Variants in INSL6 observed in about 807,000 individuals in gnomAD.
The protein encoded by INSL6 is insulin-like peptide INSL6.
INSL6 carries 16 observed loss-of-function variants against 9.4 expected under a neutral mutation model. The ratio of observed to expected loss-of-function variants is 1.70; its 90% CI spans 1.15 to 2.59. The LOEUF is 2.59. Ranked by LOEUF, INSL6 falls within the 30% of genes most tolerant of loss-of-function variation. The probability of loss-of-function intolerance (pLI) is 0.00; values close to 1 mark genes in which losing one functional copy is unlikely to be tolerated. For synonymous variants in INSL6, 154 were observed against 96.9 expected (o/e 1.59, Z -3.46); for missense variants, 391 against 257.3 (o/e 1.52, Z -3.56).
At chr9:5,093,694 T>C in the INSL6 span, among the ~76,000 whole-genome samples, 9 of 152,254 alleles carry the variant, frequency 5.9e-5, no homozygotes, top group Admixed American at 3.9e-4. Flanking sequence ...TTAATACACA[T>C]TGACCCAATA....
chr9:5,111,692 A>T, the INSL6 span: 2 of 429,852 alleles, frequency 4.7e-6, no homozygotes, highest in Admixed American at 2.5e-5. Flanking sequence ...TGGCGGAGGC[A>T]GCAGCACGTT....
chr9:5,106,075 A>T, the INSL6 span, among the ~76,000 whole-genome samples: 2 of 152,388 alleles, frequency 1.3e-5, no homozygotes, highest in East Asian at 3.9e-4. Flanking sequence ...GATCTAATTC[A>T]ACTAAACAGC....
chr9:5,036,277 A>G, the INSL6 span, among the ~76,000 whole-genome samples: 2 of 152,242 alleles, frequency 1.3e-5, no homozygotes, highest in Admixed American at 6.5e-5. Context: ...GGAAGAATCA[A>G]TATTGTGAAA....
chr9:5,066,747 T>G, the INSL6 span: 1 of 1,580,532 alleles, frequency 6.3e-7, no homozygotes, highest in Non-Finnish European at 8.6e-7. Flanking sequence ...TTCGATGCAG[T>G]CCTAAGGACT....
chr9:5,072,713 T>G, the INSL6 span: 1 of 1,021,092 alleles, frequency 9.8e-7, no homozygotes, highest in East Asian at 2.9e-5. Flanking sequence ...TGTGTGCAGC[T>G]TTTCAAAATT....
the INSL6 span, among the ~76,000 whole-genome samples, chr9:5,118,065 C>T: frequency 6.6e-6 from 1 of 152,094 alleles, no homozygotes; most frequent in African/African-American, 2.4e-5. Flanking sequence ...TATGTCAATC[C>T]TTTAAATGTG....
chr9:5,155,379 G>T lies in INSL6; in HGVS notation c.376+8800C>A, dbSNP rs1037135576. ...TTAGGAGATATACCTAATGTTAAATGATGAGTTAATGGGTGCAGCACACCA... is the reference window on the plus strand; with the variant it reads ...TTAGGAGATATACCTAATGTTAAATTATGAGTTAATGGGTGCAGCACACCA... On this transcript the variant is annotated intron_variant, in intron 2 of 3. Coordinates refer to the INSL6 transcript ENST00000649639. Among the ~76,000 whole-genome samples the T allele has an allele frequency of 2.0e-5, 3 of 150,406 alleles. No individual in the cohort carries two copies. The East Asian group carries it at 6.0e-4, about 30-fold the overall frequency.
Position 5,166,009 on chromosome 9 carries a change from G to A in INSL6, c.290-1744C>T, listed in dbSNP as rs112605701. ...TCTGTCACAATGGCTAGCAATCCACGTCATGTGAAAAACATGAATCGACCC... is the reference window on the plus strand; with the variant it reads ...TCTGTCACAATGGCTAGCAATCCACATCATGTGAAAAACATGAATCGACCC... On this transcript the variant is annotated intron_variant, in intron 1 of 1. Coordinates refer to ENST00000381641, the MANE Select transcript of INSL6 (RefSeq NM_007179.3). Among the ~76,000 whole-genome samples, 913 of 152,258 alleles carry A rather than the reference G, an allele frequency of 6.0e-3. 4 individuals carry two copies. The highest frequency in any genetic ancestry group is 8.4e-3 in the Non-Finnish European group (568 of 68,020).
the INSL6 span, among the ~76,000 whole-genome samples, chr9:5,059,068 A>C: frequency 1.3e-5 from 2 of 151,932 alleles, no homozygotes; most frequent in Non-Finnish European, 2.9e-5. Context: ...TTTTCTTTTT[A>C]CTTTGTTGAG....
the INSL6 span, among the ~76,000 whole-genome samples, chr9:5,034,098 C>A: frequency 6.6e-6 from 1 of 152,036 alleles, no homozygotes; most frequent in Non-Finnish European, 1.5e-5. Flanking sequence ...ATCCTAGTCT[C>A]GGATAAAACA....
the INSL6 span, among the ~76,000 whole-genome samples, chr9:5,008,981 G>C: frequency 6.6e-6 from 1 of 152,032 alleles, no homozygotes; most frequent in Non-Finnish European, 1.5e-5. Context: ...CAAATTATGA[G>C]TTTGATCCTT....
the INSL6 span, chr9:5,100,397 A>G: frequency 6.6e-6 from 1 of 152,254 alleles, no homozygotes; most frequent in African/African-American, 2.4e-5. Context: ...CACTAACTGT[A>G]TACCAATGAT....
rs572793407 is a variant in INSL6, at chr9:5,134,389, G to A, written c.377-797C>T. Among the ~76,000 whole-genome samples the A allele has an allele frequency of 2.3e-3, 349 of 152,256 alleles. 2 individuals carry two copies. The highest frequency in any genetic ancestry group is 4.0e-3 in the Non-Finnish European group (272 of 68,016). On this transcript the variant is annotated intron_variant, in intron 2 of 3. Coordinates refer to the INSL6 transcript ENST00000649639. ...AAGAGCAACCCCAAGACACATAATT[G>A]TCAGATTCACCAAGGTTGAAATGAA... is the stretch of plus-strand genomic sequence containing the variant.
chr9:5,081,111 G>A, the INSL6 span, among the ~76,000 whole-genome samples: 3 of 151,756 alleles, frequency 2.0e-5, no homozygotes, highest in African/African-American at 7.3e-5. Context: ...TAGCCAGGAT[G>A]GTCTCGATCT....
chr9:5,124,140 T>A (rs1019115049), exon 4 of INSL6, among the ~76,000 whole-genome samples: 7 of 151,888 alleles, frequency 4.6e-5, no homozygotes. Context: ...TTGCAAATAT[T>A]TTCTCCGATT....
the INSL6 span, chr9:5,111,497 G>A: frequency 2.7e-6 from 1 of 369,830 alleles, no homozygotes; most frequent in Non-Finnish European, 5.3e-6. Flanking sequence ...CGGTAGGGAT[G>A]CCGCCGCCTA....
chr9:5,029,206 G>A, the INSL6 span, among the ~76,000 whole-genome samples: 2 of 152,100 alleles, frequency 1.3e-5, no homozygotes, highest in African/African-American at 4.8e-5. Context: ...TTTCCATATT[G>A]TTGTGTCTCA....
At chr9:5,048,142 TTTTC>T in the INSL6 span, among the ~76,000 whole-genome samples, 6 of 152,028 alleles carry the variant, frequency 3.9e-5, no homozygotes, top group African/African-American at 1.2e-4. Flanking sequence ...AGTTCTTTTC[TTTTC>T]TTTCTTTTTT....
chr9:5,035,658 A>C, the INSL6 span, among the ~76,000 whole-genome samples: 2 of 152,242 alleles, frequency 1.3e-5, no homozygotes, highest in African/African-American at 2.4e-5. Flanking sequence ...GAGGCAGAAA[A>C]GGTCTTTGGC....
Sources: gnomAD v4.1 joint callset for allele counts (sites outside exome capture counted in the v4.1 genomes callset) on GRCh38, gnomAD v4.1.1 for gene constraint, MANE v1.5 for transcripts, NCBI Gene and HGNC (gene_info 2026-07-23, HGNC 2026-07-21) for gene names.